The following GMDS variants were observed in gnomAD, a reference collection of about 807,000 sequenced individuals.
The protein encoded by GMDS is GDP-mannose 4,6 dehydratase.
Under a neutral mutation model 49.9 loss-of-function variants are expected in GMDS, and 20 were observed. The observed-to-expected ratio is 0.40, with a 90% CI of 0.28 to 0.58. The LOEUF (loss-of-function observed/expected upper bound fraction) is 0.58. Among genes scored for constraint, GMDS ranks in the 20% least tolerant of loss-of-function variants. GMDS has a pLI of 0.42. For synonymous variants in GMDS, 177 were observed against 178.6 expected (o/e 0.99, Z 0.07); for missense variants, 362 against 481.4 (o/e 0.75, Z 2.32).
At chr6:1,875,935 T>C (rs944376144) in intron 7 of GMDS, among the ~76,000 whole-genome samples, 3 of 151,530 alleles carry the variant, frequency 2.0e-5, no homozygotes, top group Non-Finnish European at 2.9e-5. Flanking sequence ...GAAGAATCCC[T>C]TGAACCCAGA....
intron 1 of GMDS, among the ~76,000 whole-genome samples, chr6:2,155,311 CA>C (rs1023366670): frequency 2.6e-5 from 4 of 152,076 alleles, no homozygotes; most frequent in Admixed American, 1.3e-4. Flanking sequence ...TGAGAAGCTG[CA>C]AAAAAGACTA....
chr6:2,175,537 C>A (rs555774919), intron 1 of GMDS, among the ~76,000 whole-genome samples: 1 of 152,310 alleles, frequency 6.6e-6, no homozygotes, highest in South Asian at 2.1e-4. Context: ...CATTACTATA[C>A]CTCAGCTTGG....
Position 2,124,748 on chromosome 6 carries a change from A to C in GMDS, c.103-17T>G. 1.2e-6 allele frequency: 2 copies of C among 1,609,546 alleles called. No individual in the cohort carries two copies. The highest frequency in any genetic ancestry group is 1.7e-6 in the Non-Finnish European group (2 of 1,176,552). ...GGAACCATCCTGGGGAGAAAGAAAA[A>C]ATTGCAAAACGTCAGTCTCATAGTG... is the stretch of plus-strand genomic sequence containing the variant. On this transcript the variant is annotated splice_polypyrimidine_tract_variant and intron_variant, in intron 1 of 10. Coordinates refer to ENST00000380815, the MANE Select transcript of GMDS (RefSeq NM_001500.4).
intron 6 of GMDS, among the ~76,000 whole-genome samples, chr6:1,952,863 G>A (rs1366995104): frequency 6.6e-6 from 1 of 152,082 alleles, no homozygotes; most frequent in Non-Finnish European, 1.5e-5. Flanking sequence ...GCTGTCAACA[G>A]GGAACGTGAT....
intron 4 of GMDS, among the ~76,000 whole-genome samples, chr6:2,050,351 A>T (rs1770306304): frequency 1.3e-5 from 2 of 152,204 alleles, no homozygotes; most frequent in Admixed American, 6.5e-5. Flanking sequence ...CTCTGAATAG[A>T]CCAATAACAG....
intron 8 of GMDS, among the ~76,000 whole-genome samples, chr6:1,740,941 C>T (rs532449694): frequency 7.9e-5 from 12 of 152,202 alleles, no homozygotes; most frequent in African/African-American, 2.2e-4. Context: ...CTCTTGGCCA[C>T]GAATTGTCAA....
intron 9 of GMDS, among the ~76,000 whole-genome samples, chr6:1,677,854 G>A (rs746039343): frequency 4.0e-5 from 6 of 151,102 alleles, no homozygotes; most frequent in African/African-American, 7.3e-5. Context: ...TAAATGACGC[G>A]TTAATGGGTA....
At chr6:1,996,150 C>A (rs1198376556) in intron 4 of GMDS, among the ~76,000 whole-genome samples, 3 of 150,454 alleles carry the variant, frequency 2.0e-5, no homozygotes, top group Admixed American at 6.7e-5. Flanking sequence ...TTCCTCCTTC[C>A]TCTTCCTTCC....
chr6:2,050,008 A>C (rs1439208841), intron 4 of GMDS, among the ~76,000 whole-genome samples: 1 of 152,206 alleles, frequency 6.6e-6, no homozygotes, highest in East Asian at 1.9e-4. Context: ...AGCTAGCAGA[A>C]AGCAAGAAAT....
chr6:1,935,335 A>G (rs1762475890), intron 6 of GMDS, among the ~76,000 whole-genome samples: 1 of 152,210 alleles, frequency 6.6e-6, no homozygotes, highest in Non-Finnish European at 1.5e-5. Flanking sequence ...GAACATCACT[A>G]TGTCCTTGTT....
chr6:2,057,876 G>C (rs1353964343), intron 4 of GMDS, among the ~76,000 whole-genome samples: 1 of 152,046 alleles, frequency 6.6e-6, no homozygotes, highest in East Asian at 1.9e-4. Context: ...AAGTTTAAGG[G>C]CTAAATTTTT....
intron 7 of GMDS, among the ~76,000 whole-genome samples, chr6:1,798,952 AACTT>A (rs1334224142): frequency 2.6e-5 from 4 of 152,074 alleles, no homozygotes; most frequent in African/African-American, 9.7e-5. Flanking sequence ...AAAATCCCCC[AACTT>A]ACTTCTGTCA....
chr6:2,177,000 A>G (rs1173658389), intron 1 of GMDS, among the ~76,000 whole-genome samples: 2 of 152,188 alleles, frequency 1.3e-5, no homozygotes, highest in African/African-American at 4.8e-5. Context: ...TTGTAGGCAG[A>G]TGGGGAAGAG....
chr6:1,980,355 C>T (rs754388297), intron 4 of GMDS, among the ~76,000 whole-genome samples: 1 of 151,608 alleles, frequency 6.6e-6, no homozygotes, highest in South Asian at 2.1e-4. Context: ...GAAAAGTTAC[C>T]AAGCAAATGG....
At chr6:1,745,381 T>A (rs369548004) in intron 7 of GMDS, among the ~76,000 whole-genome samples, 1 of 128,218 alleles carries the variant, frequency 7.8e-6, no homozygotes, top group African/African-American at 2.9e-5. Flanking sequence ...TTGGAGAAAC[T>A]TGACTGTTGG....
In GMDS at chr6:1,939,586, C is replaced by T. The variant is rs1049086005; in HGVS notation, c.644-9356G>A. On this transcript the variant is annotated intron_variant, in intron 6 of 10. Transcript: ENST00000380815. ...ATATACCTATATACATATATATACA[C>T]ACACACACACACATATACACATACA... Among the ~76,000 whole-genome samples, 67 of 121,126 alleles carry T rather than the reference C, an allele frequency of 5.5e-4. 2 individuals are homozygous for T. In the South Asian group the frequency reaches 7.8e-3, roughly 14 times the overall value. The allele number at this position is 121,126 out of a possible 152,430, so 79.5% of individuals were successfully genotyped here.
chr6:2,112,597 C>T (rs1774611070), intron 4 of GMDS, among the ~76,000 whole-genome samples: 1 of 152,210 alleles, frequency 6.6e-6, no homozygotes, highest in Non-Finnish European at 1.5e-5. Flanking sequence ...CATATTCTCT[C>T]TTGTCCCTCT....
intron 7 of GMDS, among the ~76,000 whole-genome samples, chr6:1,858,413 T>C (rs1388190987): frequency 6.6e-6 from 1 of 152,200 alleles, no homozygotes. Context: ...GGACCAAACT[T>C]TCTAACTGGG....
intron 8 of GMDS, among the ~76,000 whole-genome samples, chr6:1,733,022 C>A (rs1766872180): frequency 6.6e-6 from 1 of 152,210 alleles, no homozygotes; most frequent in African/African-American, 2.4e-5. Flanking sequence ...CTGAGCTCTG[C>A]CCCAGAGATG....
Sources: gnomAD v4.1 joint callset for allele counts (sites outside exome capture counted in the v4.1 genomes callset) on GRCh38, gnomAD v4.1.1 for gene constraint, MANE v1.5 for transcripts, NCBI Gene and HGNC (gene_info 2026-07-23, HGNC 2026-07-21) for gene names.